SLC24A2: variants seen among roughly 807,000 people sequenced by gnomAD.
SLC24A2 encodes solute carrier family 24 member 2.
Under a neutral mutation model 62.0 loss-of-function variants are expected in SLC24A2, and 36 were observed. The ratio of observed to expected loss-of-function variants is 0.58; its 90% CI spans 0.44 to 0.77. The LOEUF (loss-of-function observed/expected upper bound fraction) is 0.77, where lower values mean the gene tolerates loss of function less well. Ranked by LOEUF, SLC24A2 falls within the 30% of genes least tolerant of loss-of-function variation. The probability of loss-of-function intolerance (pLI) is 0.00; values close to 1 mark genes in which losing one functional copy is unlikely to be tolerated. For synonymous variants in SLC24A2, 358 were observed against 294.0 expected, an observed-to-expected ratio of 1.22 and a Z score of -2.23; for missense variants, 846 against 817.9, an observed-to-expected ratio of 1.03 and a Z score of -0.42.
rs1222882473 is a variant in SLC24A2 at position 19,636,271 on chromosome 9, T to TTCTTC, written c.931-13977_931-13973dup. Among the ~76,000 whole-genome samples, 43 of 32,906 alleles carry TTCTTC rather than the reference T, an allele frequency of 1.3e-3. 5 individuals carry two copies. Among genetic ancestry groups the TTCTTC allele is most frequent in the Admixed American group, 5.3e-3 (12 of 2,246 alleles). The allele number at this position is 32,906 out of a possible 152,430, so 21.6% of individuals were successfully genotyped here. A position where few individuals can be genotyped will look rare whatever the true frequency, so the allele number is the denominator to read the frequency against. On this transcript the variant is annotated intron_variant, in intron 2 of 10. Coordinates refer to ENST00000341998, the MANE Select transcript of SLC24A2 (RefSeq NM_020344.4). ...CTAGGTGTCCTTTTCTTTTCTTCTC[T>TTCTTC]TCTTCTCTTCTTCTCTTCTTTTCTT...
At chr9:19,659,113 G>T (rs1240255422) in intron 2 of SLC24A2, among the ~76,000 whole-genome samples, 1 of 152,162 alleles carries the variant, frequency 6.6e-6, no homozygotes, top group Non-Finnish European at 1.5e-5. Context: ...GGAGGTCCTA[G>T]TCCAATATGA....
At chr9:19,607,718 C>CA (rs769291086) in intron 4 of SLC24A2, among the ~76,000 whole-genome samples, 15,427 of 66,156 alleles carry the variant, frequency 0.23, 1,400 homozygotes, top group Non-Finnish European at 0.24. Context: ...GACTCTGTCT[C>CA]AAAAAAAAAA....
chr9:20,053,776 T>C, the SLC24A2 span, among the ~76,000 whole-genome samples: 1 of 152,186 alleles, frequency 6.6e-6, no homozygotes, highest in Non-Finnish European at 1.5e-5. Context: ...TCTTGGACTT[T>C]CCAGCCTCTA....
chr9:19,607,564 C>A (rs977557730), intron 4 of SLC24A2, among the ~76,000 whole-genome samples: 1 of 151,862 alleles, frequency 6.6e-6, no homozygotes, highest in Non-Finnish European at 1.5e-5. Flanking sequence ...ACTAAAAATA[C>A]AAAAATTAGC....
chr9:19,560,477 C>T (rs1316262072), intron 7 of SLC24A2, among the ~76,000 whole-genome samples: 1 of 152,196 alleles, frequency 6.6e-6, no homozygotes, highest in Non-Finnish European at 1.5e-5. Flanking sequence ...TCTATGTCCC[C>T]CTCTTTCCCC....
the SLC24A2 span, among the ~76,000 whole-genome samples, chr9:19,851,355 T>C: frequency 2.1e-4 from 32 of 152,072 alleles, no homozygotes; most frequent in South Asian, 1.5e-3. Flanking sequence ...AATTTGAAGT[T>C]CCAAAGTACA....
the SLC24A2 span, among the ~76,000 whole-genome samples, chr9:20,107,914 C>A: frequency 1.3e-5 from 2 of 152,106 alleles, no homozygotes; most frequent in African/African-American, 4.8e-5. Flanking sequence ...AGGCAACCTA[C>A]AAAATGGGAG....
the SLC24A2 span, among the ~76,000 whole-genome samples, chr9:20,122,275 G>A: frequency 6.6e-6 from 1 of 152,216 alleles, no homozygotes; most frequent in Admixed American, 6.5e-5. Context: ...GAGGACCAGA[G>A]TGCTCCCTAT....
At chr9:19,634,422 G>A (rs775085464) in intron 2 of SLC24A2, among the ~76,000 whole-genome samples, 40 of 152,004 alleles carry the variant, frequency 2.6e-4, no homozygotes, top group Middle Eastern at 6.8e-3. Flanking sequence ...CTGAGTAGCT[G>A]GGAATACAGG....
the SLC24A2 span, among the ~76,000 whole-genome samples, chr9:19,994,683 T>C: frequency 6.6e-6 from 1 of 152,154 alleles, no homozygotes; most frequent in Non-Finnish European, 1.5e-5. Flanking sequence ...TCTGAGGGCC[T>C]CTGCATATGT....
the SLC24A2 span, among the ~76,000 whole-genome samples, chr9:20,019,304 A>AAAGAAAGG: frequency 6.8e-6 from 1 of 146,832 alleles, no homozygotes; most frequent in Non-Finnish European, 1.5e-5. Flanking sequence ...AGAAAGAAAG[A>AAAGAAAGG]AAGAAAGAAA....
chr9:19,874,351 A>G, the SLC24A2 span, among the ~76,000 whole-genome samples: 1 of 152,102 alleles, frequency 6.6e-6, no homozygotes, highest in East Asian at 1.9e-4. Flanking sequence ...ACAAATACAG[A>G]ATAGAGAAGT....
intron 2 of SLC24A2, among the ~76,000 whole-genome samples, chr9:19,708,294 T>C (rs888542862): frequency 2.6e-5 from 4 of 152,058 alleles, no homozygotes; most frequent in Admixed American, 2.0e-4. Context: ...TGCTCATGGG[T>C]AGGAAGAATC....
chr9:19,613,795 G>A (rs1159222888), intron 4 of SLC24A2, among the ~76,000 whole-genome samples: 5 of 151,870 alleles, frequency 3.3e-5, no homozygotes, highest in Non-Finnish European at 7.4e-5. Context: ...AGGCAGAGTA[G>A]CAGAAAAGAA....
chr9:19,950,730 T>C, the SLC24A2 span, among the ~76,000 whole-genome samples: 28 of 152,354 alleles, frequency 1.8e-4, 1 homozygote, highest in East Asian at 5.4e-3. Flanking sequence ...GGAAGTGGTC[T>C]GGAGATGGGG....
chr9:20,209,297 C>G, the SLC24A2 span, among the ~76,000 whole-genome samples: 1 of 152,260 alleles, frequency 6.6e-6, no homozygotes, highest in East Asian at 1.9e-4. Flanking sequence ...AATGAATCAC[C>G]CTGTTTTTAG....
chr9:19,689,170 A>G (rs1340687857), intron 2 of SLC24A2, among the ~76,000 whole-genome samples: 1 of 152,136 alleles, frequency 6.6e-6, no homozygotes, highest in Admixed American at 6.6e-5. Flanking sequence ...AGTGAAGTGA[A>G]TTAAGTGGCC....
chr9:19,931,326 C>A, the SLC24A2 span, among the ~76,000 whole-genome samples: 1 of 152,052 alleles, frequency 6.6e-6, no homozygotes, highest in Admixed American at 6.6e-5. Context: ...ATGTAACTTC[C>A]ACATTCAATA....
At chr9:19,921,210 T>C in the SLC24A2 span, among the ~76,000 whole-genome samples, 1 of 152,072 alleles carries the variant, frequency 6.6e-6, no homozygotes, top group Admixed American at 6.5e-5. Flanking sequence ...TCTATAGTTT[T>C]ACTATCTTCA....
Sources: allele counts gnomAD v4.1 joint callset (sites outside exome capture counted in the v4.1 genomes callset), GRCh38; gene constraint gnomAD v4.1.1; transcripts MANE v1.5; gene names NCBI Gene and HGNC (gene_info 2026-07-23, HGNC 2026-07-21).